The following PDE4D variants were observed in gnomAD, a reference collection of about 807,000 sequenced individuals.
The protein encoded by PDE4D is phosphodiesterase 4D.
In PDE4D, 24 loss-of-function variants were observed where a neutral mutation model predicts 87.4. That is an observed-to-expected ratio of 0.27 (90% CI 0.20 to 0.39). The LOEUF is 0.39. PDE4D is among the 10% of genes least tolerant of loss of function. PDE4D has a pLI of 1.00. For missense variants in PDE4D, 714 were observed against 1,041.0 expected, an observed-to-expected ratio of 0.69 and a Z score of 4.32; for synonymous variants, 384 against 383.2, an observed-to-expected ratio of 1.00 and a Z score of -0.02.
At chr5:60,501,176 G>A in intron 1 of PDE4D, among the ~76,000 whole-genome samples, 1 of 151,910 alleles carries the variant, frequency 6.6e-6, no homozygotes, top group Non-Finnish European at 1.5e-5. Flanking sequence ...ACAGTCCCCA[G>A]AGTGTGATGT....
At chr5:59,224,934 G>C (rs1753410862) in intron 1 of PDE4D, among the ~76,000 whole-genome samples, 2 of 152,130 alleles carry the variant, frequency 1.3e-5, no homozygotes, top group African/African-American at 4.8e-5. Context: ...ACCAGTCTAG[G>C]GTACTTTGTT....
chr5:59,515,901 G>A (rs1194545764), intron 1 of PDE4D, among the ~76,000 whole-genome samples: 3 of 152,272 alleles, frequency 2.0e-5, no homozygotes, highest in East Asian at 1.9e-4. Context: ...TCAGTCAATC[G>A]ATGGTGTGGA....
rs1237209097 is a variant in PDE4D, at chr5:59,445,487, C to T, written c.456-229519G>A. Among the ~76,000 whole-genome samples, 8 of 152,282 alleles carry T rather than the reference C, an allele frequency of 5.3e-5. No homozygotes were observed. In the East Asian group the frequency reaches 1.5e-3, roughly 29 times the overall value. On this transcript the variant is annotated intron_variant, in intron 1 of 14. Transcript: ENST00000340635. ...CTGCCTGAAAATACAGATTCTGTTG[C>T]AATTTGTCTGTAGTTGTAAAGAAAG... is the stretch of plus-strand genomic sequence containing the variant.
chr5:59,735,357 C>A (rs1757929104), intron 1 of PDE4D, among the ~76,000 whole-genome samples: 2 of 152,160 alleles, frequency 1.3e-5, no homozygotes, highest in Admixed American at 1.3e-4. Context: ...AGGCAATCTG[C>A]AGCCCAAAGT....
Position 59,153,396 on chromosome 5 carries a change from G to A in PDE4D, c.808+27199C>T, listed in dbSNP as rs74321457. Among the ~76,000 whole-genome samples the A allele has an allele frequency of 7.6e-3, 1,149 of 152,176 alleles. 6 individuals carry two copies. Among genetic ancestry groups the A allele is most frequent in the African/African-American group, 0.026 (1,095 of 41,506 alleles). On this transcript the variant is annotated intron_variant, in intron 5 of 14. Coordinates refer to ENST00000340635, the MANE Select transcript of PDE4D (RefSeq NM_001104631.2). The stretch of plus-strand genomic sequence containing the variant: ...ATGAAACAAATATAGCAATGGTATC[G>A]CTTCTCACATTTTCCTCATTCTGCT...
At chr5:60,067,447 A>T (rs749524975) in intron 2 of PDE4D, among the ~76,000 whole-genome samples, 20 of 152,098 alleles carry the variant, frequency 1.3e-4, no homozygotes, top group Non-Finnish European at 2.6e-4. Flanking sequence ...ATAATAAATG[A>T]ACTGTTACCT....
chr5:60,485,764 A>G (rs1252974487), intron 1 of PDE4D, among the ~76,000 whole-genome samples: 2 of 152,178 alleles, frequency 1.3e-5, no homozygotes, highest in East Asian at 3.9e-4. Context: ...TCCACTGGGC[A>G]CCTGGCACCT....
intron 2 of PDE4D, among the ~76,000 whole-genome samples, chr5:60,028,854 T>A (rs1766933041): frequency 6.6e-6 from 1 of 152,316 alleles, no homozygotes; most frequent in African/African-American, 2.4e-5. Flanking sequence ...TAAACCCCTG[T>A]TTTGCCTCAA....
chr5:60,215,924 T>A (rs1187898877), intron 1 of PDE4D, among the ~76,000 whole-genome samples: 1 of 152,184 alleles, frequency 6.6e-6, no homozygotes, highest in Admixed American at 6.5e-5. Flanking sequence ...CAAAAGCAAC[T>A]ATGTTGTTTA....
rs903479368 is a variant in PDE4D at position 59,930,246 on chromosome 5, G to T, written c.272+58242C>A. Among the ~76,000 whole-genome samples, 7 of 150,902 alleles carry T rather than the reference G, an allele frequency of 4.6e-5. No homozygotes were observed. The South Asian group carries it at 8.3e-4, about 18-fold the overall frequency. On this transcript the variant is annotated intron_variant, in intron 3 of 16. Transcript: ENST00000502484. ...GTAAATGTGAACTTATTTGGAAAAA[G>T]GATCTTTGCAGATGTAATTCAATTA...
In PDE4D at chr5:59,661,387, C is replaced by T. The variant is rs984877092; in HGVS notation, c.455+231781G>A. Among the ~76,000 whole-genome samples the T allele has an allele frequency of 3.3e-5, 5 of 152,182 alleles. 1 individual carries two copies. The South Asian group carries it at 1.0e-3, about 32-fold the overall frequency. On this transcript the variant is annotated intron_variant, in intron 1 of 14. Transcript: ENST00000340635. ...ACAGTGGGGGTGTGTCATTAGGATG[C>T]TAATTTACACAACAAAAATTAATGA... is the stretch of plus-strand genomic sequence containing the variant.
chr5:59,956,368 C>T (rs1249143960), intron 3 of PDE4D, among the ~76,000 whole-genome samples: 1 of 152,174 alleles, frequency 6.6e-6, no homozygotes, highest in Admixed American at 6.5e-5. Flanking sequence ...ATGCTAGCAA[C>T]TTGATGGGGT....
At chr5:59,602,600 T>C (rs924608274) in intron 1 of PDE4D, among the ~76,000 whole-genome samples, 3 of 152,000 alleles carry the variant, frequency 2.0e-5, no homozygotes, top group Non-Finnish European at 2.9e-5. Flanking sequence ...TGTCCATATC[T>C]GAAACAATCT....
chr5:59,375,255 T>C (rs371961134), intron 1 of PDE4D, among the ~76,000 whole-genome samples: 9 of 152,212 alleles, frequency 5.9e-5, no homozygotes, highest in African/African-American at 2.2e-4. Context: ...AGTTGTTCTT[T>C]TTTTGAAAAA....
rs185813153 is a variant in PDE4D, at chr5:60,509,644, C to T, written n.70+12407G>A. Among the ~76,000 whole-genome samples the T allele has an allele frequency of 4.1e-3, 619 of 152,210 alleles. 6 individuals are homozygous for T. Among genetic ancestry groups the T allele is most frequent in the African/African-American group, 0.014 (577 of 41,528 alleles). On this transcript the variant is annotated intron_variant and non_coding_transcript_variant, in intron 1 of 2. Transcript: ENST00000506510. ...CATCCACCTTTGACTTCACCTCCTG[C>T]TTCTTGGCTACACTTCTGGCCTTGC... is the stretch of plus-strand genomic sequence containing the variant.
chr5:59,691,670 G>A (rs1413328605), intron 1 of PDE4D, among the ~76,000 whole-genome samples: 1 of 151,458 alleles, frequency 6.6e-6, no homozygotes, highest in Admixed American at 6.6e-5. Context: ...GTATACATAT[G>A]TAACGAACCT....
chr5:60,042,344 G>A (rs1768617904), intron 2 of PDE4D, among the ~76,000 whole-genome samples: 1 of 152,202 alleles, frequency 6.6e-6, no homozygotes, highest in Admixed American at 6.5e-5. Context: ...CAGAGCACCT[G>A]GGGGAAGGGG....
intron 6 of PDE4D, among the ~76,000 whole-genome samples, chr5:59,034,153 C>T (rs985830046): frequency 2.6e-5 from 4 of 152,164 alleles, no homozygotes; most frequent in Non-Finnish European, 4.4e-5. Flanking sequence ...TAAGGTACTA[C>T]ATGTAAGCTA....
At chr5:60,359,953 G>T (rs558761308) in intron 1 of PDE4D, among the ~76,000 whole-genome samples, 1 of 152,234 alleles carries the variant, frequency 6.6e-6, no homozygotes, top group Admixed American at 6.5e-5. Context: ...TTTTGTTAAG[G>T]TATTTCATAA....
Sources: gnomAD v4.1 joint callset for allele counts (sites outside exome capture counted in the v4.1 genomes callset) on GRCh38, gnomAD v4.1.1 for gene constraint, MANE v1.5 for transcripts, NCBI Gene and HGNC (gene_info 2026-07-23, HGNC 2026-07-21) for gene names.